The following C19orf44 variants were observed in gnomAD, a reference collection of about 807,000 sequenced individuals.
The protein encoded by C19orf44 is uncharacterized protein C19orf44.
Under a neutral mutation model 50.7 loss-of-function variants are expected in C19orf44, and 43 were observed. The observed-to-expected ratio is 0.85, with a 90% confidence interval of 0.66 to 1.09. The LOEUF (loss-of-function observed/expected upper bound fraction) is 1.09. Ranked by LOEUF, C19orf44 falls within the 50% of genes least tolerant of loss-of-function variation. The probability of loss-of-function intolerance (pLI) is 0.00; values close to 1 mark genes in which losing one functional copy is unlikely to be tolerated. For synonymous variants in C19orf44, 298 were observed against 334.7 expected (o/e 0.89, Z 1.20); for missense variants, 722 against 836.2 (o/e 0.86, Z 1.68).
chr19:16,518,922 G>A, intron 8 of C19orf44: 2 of 558,166 alleles, frequency 3.6e-6, no homozygotes, highest in South Asian at 4.7e-5. Flanking sequence ...ACGAGCCTGG[G>A]GCCCTGGTGG....
intron 1 of C19orf44, among the ~76,000 whole-genome samples, chr19:16,498,823 A>C (rs2093416963): frequency 6.6e-6 from 1 of 151,278 alleles, no homozygotes; most frequent in Non-Finnish European, 1.5e-5. Context: ...GGCGCCCACC[A>C]CCGCGCCCGG....
intron 8 of C19orf44, 100 bp downstream of exon 8, chr19:16,517,441 G>A: frequency 1.3e-6 from 1 of 789,438 alleles, no homozygotes; most frequent in South Asian, 1.7e-5. Flanking sequence ...GTGGTACTGG[G>A]GTGATGGACA....
intron 4 of C19orf44, among the ~76,000 whole-genome samples, chr19:16,509,068 C>T (rs540175958): frequency 2.0e-5 from 3 of 152,178 alleles, no homozygotes; most frequent in Non-Finnish European, 4.4e-5. Context: ...GATCTGCCCG[C>T]CTTGGCCTCC....
At position 16,520,003 on chromosome 19, in the gene C19orf44, T is replaced by C. The variant is rs2085593873; in HGVS notation, c.*41-91T>C. On this transcript the variant is annotated intron_variant, in intron 8 of 8. Coordinates refer to ENST00000221671, the MANE Select transcript of C19orf44 (RefSeq NM_032207.4). This position sits in a 1 kb window ranked among gnomAD's most constrained non-coding sequence, Gnocchi z 4.0. ...CTCAGGCTTCGCCAAGTGGCTACTG[T>C]GGTGAAGGGTGAGGGGTGCCACTGT... is the stretch of plus-strand genomic sequence containing the variant. 1.2e-6 allele frequency: 1 copy of C among 852,622 alleles called. No homozygotes were observed. Among genetic ancestry groups the C allele is most frequent in the Admixed American group, 2.2e-5 (1 of 44,494 alleles). The allele number at this position is 852,622 out of a possible 1,614,324, so 52.8% of individuals were successfully genotyped here. A position where few individuals can be genotyped will look rare whatever the true frequency, so the allele number is the denominator to read the frequency against.
chr19:16,506,625 T>G, intron 3 of C19orf44, 76 bp from the exon 4 acceptor site: 1 of 990,280 alleles, frequency 1.0e-6, no homozygotes, highest in South Asian at 1.8e-5. Context: ...AAAAAAGAAA[T>G]TTGGAAGGTT....
At chr19:16,513,165 C>A in intron 6 of C19orf44, 56 bp downstream of exon 6, 1 of 1,550,550 alleles carries the variant, frequency 6.4e-7, no homozygotes, top group East Asian at 2.3e-5. Flanking sequence ...CTCATTTCAC[C>A]TGCAGATTCA....
chr19:16,519,049 TG>T lies in C19orf44; in HGVS notation c.*41-1043del. On this transcript the variant is annotated intron_variant, in intron 8 of 8. Coordinates refer to ENST00000221671, the MANE Select transcript of C19orf44 (RefSeq NM_032207.4). The surrounding 1 kb of genome is among the most constrained non-coding windows in gnomAD (Gnocchi z 6.0). ...TTCTCTTCCTGTGGCTCTCCACAAGTGGAGACGGTGTAAGAACTGAGCTGTC... is the reference window on the plus strand; with the variant it reads ...TTCTCTTCCTGTGGCTCTCCACAAGTGAGACGGTGTAAGAACTGAGCTGTC... 1.0e-6 allele frequency: 1 copy of T among 987,710 alleles called. No homozygotes were observed. The highest frequency in any genetic ancestry group is 1.5e-6 in the Non-Finnish European group (1 of 668,274). 61.2% of individuals were successfully genotyped at this position (987,710 alleles called of 1,614,324 possible). A position where few individuals can be genotyped will look rare whatever the true frequency, so the allele number is the denominator to read the frequency against.
chr19:16,504,754 C>A (rs1230584012), intron 3 of C19orf44, among the ~76,000 whole-genome samples: 1 of 151,936 alleles, frequency 6.6e-6, no homozygotes, highest in East Asian at 1.9e-4. Flanking sequence ...CGCACGCCAC[C>A]ATGCCTGGCT....
rs1197854830 is a variant in C19orf44, at chr19:16,501,387, C to A, written c.595C>A (p.Pro199Thr). Residue 199 changes from proline (P) to threonine (T), a missense_variant, in exon 2 of 9, where the codon CCC becomes ACC. Coordinates refer to ENST00000221671, the MANE Select transcript of C19orf44 (RefSeq NM_032207.4). ...PAGKERTLQT[P>T]KQKEPARTFD... ...TGGGAAAGAGAGGACTTTGCAAACC[C>A]CCAAACAGAAAGAACCTGCTAGAAC... The A allele has an allele frequency of 2.5e-6, 4 of 1,613,854 alleles. No individual in the cohort carries two copies. The East Asian group carries it at 8.9e-5, about 36-fold the overall frequency.
intron 6 of C19orf44, 63 bp from the exon 7 acceptor site, chr19:16,514,431 TGGG>T: frequency 9.5e-7 from 1 of 1,055,672 alleles, no homozygotes; most frequent in Non-Finnish European, 1.3e-6. Context: ...ACCTGAGCGG[TGGG>T]GGGGGGGCTG....
Position 16,501,216 on chromosome 19 carries a change from C to T in C19orf44, c.424C>T (p.Leu142Phe), listed in dbSNP as rs147828681. 5.1e-5 allele frequency: 83 copies of T among 1,614,048 alleles called. No homozygotes were observed. Among genetic ancestry groups the T allele is most frequent in the Non-Finnish European group, 6.8e-5 (80 of 1,180,024 alleles). The change falls in exon 2 of 9, where the codon CTC (leucine) becomes TTC (phenylalanine). Residue 142 changes from leucine to phenylalanine, a missense_variant. Transcript: ENST00000221671. The part of the protein sequence containing the change: ...DRILSGGALE[L>F]ASQNTDKTSQ... The stretch of plus-strand genomic sequence containing the variant: ...AATCCTCTCTGGGGGTGCACTCGAA[C>T]TCGCGTCCCAGAACACAGACAAAAC...
chr19:16,514,691 C>T, intron 7 of C19orf44, 28 bp downstream of exon 7: 1 of 1,530,718 alleles, frequency 6.5e-7, no homozygotes, highest in South Asian at 1.2e-5. Context: ...TGGGCAGGGG[C>T]AGGGCAGTAG....
In C19orf44 at chr19:16,501,458, A is replaced by G. The variant is rs372943238; in HGVS notation, c.666A>G (p.Leu222=). Residue 222 remains leucine, a synonymous_variant, in exon 2 of 9, where the codon CTA becomes CTG. Transcript: ENST00000221671. ...ACGAAGAAGAAATGAAAGTATTGCT[A>G]GGAAGCTTGATGGACTCTTCTAGAG... ...DSDEEEMKVL[L]GSLMDSSREK... is the part of the protein sequence containing the mutation. 10 of 1,613,646 alleles carry G rather than the reference A, an allele frequency of 6.2e-6. No individual in the cohort carries two copies. The East Asian group carries it at 1.6e-4, about 25-fold the overall frequency.
In C19orf44 at chr19:16,501,554, G is replaced by A. The variant is rs7251978; in HGVS notation, c.759+3G>A. ...AAGAAGAAAGAAAACTATTTTCGGT[G>A]AGATTTTTTTTTTTTGGTAAATTTA... On this transcript the variant is annotated splice_donor_region_variant and intron_variant, in intron 2 of 8. Coordinates refer to ENST00000221671, the MANE Select transcript of C19orf44 (RefSeq NM_032207.4). 0.32 allele frequency: 433,205 copies of A among 1,374,960 alleles called. 73,271 individuals carry two copies. The highest frequency in any genetic ancestry group is 0.62 in the African/African-American group (41,192 of 66,138). The allele number at this position is 1,374,960 out of a possible 1,614,324, so 85.2% of individuals were successfully genotyped here. A position where few individuals can be genotyped will look rare whatever the true frequency, so the allele number is the denominator to read the frequency against.
At chr19:16,509,465 A>G (rs1398412674) in intron 4 of C19orf44, 34 bp from the exon 5 acceptor site, 3 of 1,525,736 alleles carry the variant, frequency 2.0e-6, no homozygotes, top group South Asian at 1.3e-5. Flanking sequence ...TTTCCAAAAC[A>G]CTTCCCAGCC....
rs781280277 is a variant in C19orf44, at chr19:16,510,004, C to T, written c.1639+16C>T. ...TGGACCAAGGGTAAGCCTTGGGGCC[C>T]GTGGGGGCCGGGGCAGCCGGGACAG... is the stretch of plus-strand genomic sequence containing the variant. On this transcript the variant is annotated intron_variant, in intron 5 of 8. Coordinates refer to ENST00000221671, the MANE Select transcript of C19orf44 (RefSeq NM_032207.4). 34 of 1,613,956 alleles carry T rather than the reference C, an allele frequency of 2.1e-5. No individual in the cohort carries two copies. The highest frequency in any genetic ancestry group is 1.6e-4 in the Middle Eastern group (1 of 6,084).
chr19:16,515,028 TCTC>T (rs2093467927), intron 7 of C19orf44, among the ~76,000 whole-genome samples: 2 of 152,294 alleles, frequency 1.3e-5, no homozygotes, highest in East Asian at 1.9e-4. Context: ...GCCCAGCTGT[TCTC>T]CTCAGCAATC....
At position 16,521,116 on chromosome 19, in the gene C19orf44, G is replaced by A. The variant is rs551661784; in HGVS notation, c.*1063G>A. ...GCCCAGTGGCTCCTCTGGTGCCCAC[G>A]CCCTTGCCACCCTGCTGTTCCGCTG... On this transcript the variant is annotated 3_prime_UTR_variant, in exon 9 of 9. Coordinates refer to ENST00000221671, the MANE Select transcript of C19orf44 (RefSeq NM_032207.4). The A allele has an allele frequency of 2.5e-3, 1,523 of 611,712 alleles. 2 individuals are homozygous for A. The highest frequency in any genetic ancestry group is 3.8e-3 in the Non-Finnish European group (1,284 of 340,524). The allele number at this position is 611,712 out of a possible 1,614,324, so 37.9% of individuals were successfully genotyped here.
chr19:16,496,452 C>A lies in C19orf44; in HGVS notation c.-15C>A. 2.8e-6 allele frequency: 1 copy of A among 360,044 alleles called. No homozygotes were observed. Among genetic ancestry groups the A allele is most frequent in the Admixed American group, 4.2e-5 (1 of 23,888 alleles). The allele number at this position is 360,044 out of a possible 1,614,324, so 22.3% of individuals were successfully genotyped here. A position where few individuals can be genotyped will look rare whatever the true frequency, so the allele number is the denominator to read the frequency against. ...TGTGGCGGCTGCCTCTGCGAATGGA[C>A]GGCGTGGGAAGAGGTCGGCAGGGCT... On this transcript the variant is annotated 5_prime_UTR_variant, in exon 1 of 9. Transcript: ENST00000221671.
Sources: allele counts gnomAD v4.1 joint callset (sites outside exome capture counted in the v4.1 genomes callset), GRCh38; gene constraint gnomAD v4.1.1; non-coding constraint Gnocchi (gnomAD v3.1); transcripts MANE v1.5; gene names NCBI Gene and HGNC (gene_info 2026-07-23, HGNC 2026-07-21).